KAZN: variants seen among roughly 807,000 people sequenced by gnomAD.
KAZN encodes kazrin.
Under a neutral mutation model 87.4 loss-of-function variants are expected in KAZN, and 40 were observed. The ratio of observed to expected loss-of-function variants is 0.46; its 90% confidence interval spans 0.36 to 0.60. The LOEUF (loss-of-function observed/expected upper bound fraction) is 0.60, where lower values mean the gene tolerates loss of function less well. Among genes scored for constraint, KAZN ranks in the 20% least tolerant of loss-of-function variants. KAZN has a pLI of 0.00. For synonymous variants in KAZN, 466 were observed against 458.3 expected, an observed-to-expected ratio of 1.02 and a Z score of -0.22; for missense variants, 898 against 1,073.9, an observed-to-expected ratio of 0.84 and a Z score of 2.29.
At chr1:14,437,396 G>C (rs1269263890) in intron 2 of KAZN, among the ~76,000 whole-genome samples, 1 of 152,214 alleles carries the variant, frequency 6.6e-6, no homozygotes, top group East Asian at 1.9e-4. Context: ...TCCTCGCTGA[G>C]GCTGGTGCAC....
At chr1:14,530,713 C>G (rs997809704) in intron 2 of KAZN, among the ~76,000 whole-genome samples, 1 of 152,150 alleles carries the variant, frequency 6.6e-6, no homozygotes, top group Non-Finnish European at 1.5e-5. Context: ...GAGGCCTCCC[C>G]AGAAGCAGAT....
At chr1:14,858,269 G>A (rs1313932370) in intron 1 of KAZN, among the ~76,000 whole-genome samples, 2 of 136,498 alleles carry the variant, frequency 1.5e-5, no homozygotes, top group Non-Finnish European at 3.0e-5. Flanking sequence ...CTGGAGTGCA[G>A]TGGTGCCATC....
chr1:14,520,265 C>T (rs1303678154), intron 2 of KAZN, among the ~76,000 whole-genome samples: 1 of 152,036 alleles, frequency 6.6e-6, no homozygotes, highest in East Asian at 1.9e-4. Context: ...CTGAAATGAC[C>T]ACACATGGCC....
chr1:14,108,520 A>T (rs1335458974), intron 1 of KAZN, among the ~76,000 whole-genome samples: 3 of 152,104 alleles, frequency 2.0e-5, no homozygotes, highest in Admixed American at 6.5e-5. Flanking sequence ...TGCCAGACAG[A>T]TCTCCCTCCC....
intron 1 of KAZN, among the ~76,000 whole-genome samples, chr1:14,707,650 G>A (rs1418350803): frequency 6.6e-6 from 1 of 152,088 alleles, no homozygotes; most frequent in Non-Finnish European, 1.5e-5. Context: ...TGCCATTTTG[G>A]TTGCTTGAAG....
intron 2 of KAZN, among the ~76,000 whole-genome samples, chr1:14,193,675 T>G (rs1367877928): frequency 1.3e-5 from 2 of 151,972 alleles, no homozygotes; most frequent in African/African-American, 2.4e-5. Context: ...TTTTTTTTTT[T>G]TTTTACCAGG....
At chr1:14,266,230 A>G (rs1289858814) in intron 2 of KAZN, among the ~76,000 whole-genome samples, 1 of 152,232 alleles carries the variant, frequency 6.6e-6, no homozygotes, top group African/African-American at 2.4e-5. Context: ...ATGTAATTAC[A>G]TCAGCATTGC....
chr1:14,600,367 C>T (rs191502007), intron 1 of KAZN, among the ~76,000 whole-genome samples: 11 of 152,240 alleles, frequency 7.2e-5, no homozygotes, highest in Non-Finnish European at 1.5e-4. Flanking sequence ...CTGGTTCTCT[C>T]CATCAGTCTC....
At chr1:14,032,935 G>A (rs536771242) in intron 1 of KAZN, among the ~76,000 whole-genome samples, 1 of 152,218 alleles carries the variant, frequency 6.6e-6, no homozygotes, top group African/African-American at 2.4e-5. Flanking sequence ...TCCAGGCCCT[G>A]GACTCTTCAC....
intron 2 of KAZN, among the ~76,000 whole-genome samples, chr1:14,409,903 T>C (rs1382377210): frequency 6.6e-6 from 1 of 152,196 alleles, no homozygotes; most frequent in African/African-American, 2.4e-5. Flanking sequence ...GTAGGGCAGA[T>C]TTTTTAAATA....
chr1:14,488,340 C>T (rs1450669399), intron 2 of KAZN, among the ~76,000 whole-genome samples: 1 of 152,152 alleles, frequency 6.6e-6, no homozygotes, highest in African/African-American at 2.4e-5. Context: ...GAACGGTGAC[C>T]TCTCATCGTC....
chr1:14,760,651 T>C lies in KAZN; in HGVS notation c.226+161428T>C, dbSNP rs140702114. On this transcript the variant is annotated intron_variant, in intron 1 of 14. Transcript: ENST00000376030. ...TAAGACCCTCTGGTGGCTACTTGAT[T>C]GCACATAGATATAAAATTCAGGCCA... Among the ~76,000 whole-genome samples, 375 of 152,290 alleles carry C rather than the reference T, an allele frequency of 2.5e-3. 1 individual carries two copies. Among genetic ancestry groups the C allele is most frequent in the African/African-American group, 8.3e-3 (346 of 41,554 alleles).
intron 1 of KAZN, among the ~76,000 whole-genome samples, chr1:14,835,083 G>C (rs2100901062): frequency 6.6e-6 from 1 of 152,344 alleles, no homozygotes; most frequent in Non-Finnish European, 1.5e-5. Context: ...TTGAGTGCAT[G>C]GCATTAATTC....
intron 1 of KAZN, among the ~76,000 whole-genome samples, chr1:14,920,501 C>T (rs930875923): frequency 1.3e-5 from 2 of 151,952 alleles, no homozygotes; most frequent in African/African-American, 2.4e-5. Flanking sequence ...CCAAATCCCC[C>T]CTTCCTGCTG....
chr1:14,057,869 T>C (rs1340055561), intron 1 of KAZN, among the ~76,000 whole-genome samples: 1 of 152,220 alleles, frequency 6.6e-6, no homozygotes, highest in Non-Finnish European at 1.5e-5. Flanking sequence ...AGGTCTTCAA[T>C]AGATATTTTC....
intron 1 of KAZN, among the ~76,000 whole-genome samples, chr1:14,806,706 T>C (rs904426657): frequency 1.3e-5 from 2 of 152,176 alleles, no homozygotes; most frequent in African/African-American, 4.8e-5. Context: ...ACCTAACCAC[T>C]ACCATCCCTG....
chr1:13,927,149 C>T (rs1056198597), intron 1 of KAZN, among the ~76,000 whole-genome samples: 2 of 152,138 alleles, frequency 1.3e-5, no homozygotes, highest in Non-Finnish European at 2.9e-5. Context: ...AAAGCCCTTT[C>T]AGAAATCTTT....
chr1:14,108,750 A>G (rs1644433861), intron 1 of KAZN, among the ~76,000 whole-genome samples: 1 of 152,124 alleles, frequency 6.6e-6, no homozygotes, highest in Non-Finnish European at 1.5e-5. Context: ...TTTCTGAAGC[A>G]TAACGTTAAC....
intron 2 of KAZN, among the ~76,000 whole-genome samples, chr1:14,294,719 C>T (rs1045902423): frequency 6.8e-6 from 1 of 148,070 alleles, no homozygotes; most frequent in African/African-American, 2.5e-5. Flanking sequence ...AAAATCAGGC[C>T]AAGTAGATTT....
Sources: gnomAD v4.1 joint callset for allele counts (sites outside exome capture counted in the v4.1 genomes callset) on GRCh38, gnomAD v4.1.1 for gene constraint, MANE v1.5 for transcripts, NCBI Gene and HGNC (gene_info 2026-07-23, HGNC 2026-07-21) for gene names.